Variants in SAMD4A observed in about 807,000 individuals in gnomAD.
SAMD4A encodes the protein protein Smaug homolog 1.
A neutral mutation model predicts 81.3 loss-of-function variants in SAMD4A; 33 were observed. The ratio of observed to expected loss-of-function variants is 0.41; its 90% CI spans 0.31 to 0.54. The LOEUF is 0.54. SAMD4A is among the 20% of genes least tolerant of loss of function. The probability of loss-of-function intolerance (pLI) is 0.37; values close to 1 mark genes in which losing one functional copy is unlikely to be tolerated. For missense variants in SAMD4A, 854 were observed against 951.1 expected (o/e 0.90, Z 1.34); for synonymous variants, 389 against 382.1 (o/e 1.02, Z -0.21).
At chr14:54,771,338 T>C (rs956525385) in intron 9 of SAMD4A, among the ~76,000 whole-genome samples, 1 of 152,232 alleles carries the variant, frequency 6.6e-6, no homozygotes, top group African/African-American at 2.4e-5. Flanking sequence ...GAGCTGCTGT[T>C]GTTAACCCCA....
At chr14:54,700,274 T>C (rs2036680466) in intron 2 of SAMD4A, among the ~76,000 whole-genome samples, 1 of 152,066 alleles carries the variant, frequency 6.6e-6, no homozygotes, top group Admixed American at 6.6e-5. Context: ...TCAGAGAAGG[T>C]ATTTGGGGCT....
Position 54,750,448 on chromosome 14 carries a change from A to G in SAMD4A, c.1090-1003A>G, listed in dbSNP as rs80045648. 8.4e-3 allele frequency among the ~76,000 whole-genome samples: 1,277 copies of G among 152,362 alleles called. 18 individuals are homozygous for G. The highest frequency in any genetic ancestry group is 0.029 in the African/African-American group (1,204 of 41,582). On this transcript the variant is annotated intron_variant, in intron 5 of 12. Coordinates refer to ENST00000554335, the MANE Select transcript of SAMD4A (RefSeq NM_015589.6). ...GACGGCTGTCTATCAGGAAATTTGC[A>G]GTATCTATTATCAACAACTATTTAA...
chr14:54,565,409 C>T (rs1001923399), upstream of SAMD4A, among the ~76,000 whole-genome samples: 1 of 152,246 alleles, frequency 6.6e-6, no homozygotes, highest in Non-Finnish European at 1.5e-5. This position sits in a 1 kb window ranked among gnomAD's most constrained non-coding sequence, Gnocchi z 5.4. Flanking sequence ...AGCCAGGCGC[C>T]GGGCCGGCCT....
At chr14:54,565,760 G>C (rs917763509), upstream of SAMD4A, among the ~76,000 whole-genome samples, 1 of 151,954 alleles carries the variant, frequency 6.6e-6, no homozygotes, top group Admixed American at 6.5e-5. This position sits in a 1 kb window ranked among gnomAD's most constrained non-coding sequence, Gnocchi z 5.4. Flanking sequence ...GGGCTCCAGT[G>C]GCTTGAGTGT....
At chr14:54,648,251 G>A (rs546085675) in intron 2 of SAMD4A, among the ~76,000 whole-genome samples, 2 of 152,310 alleles carry the variant, frequency 1.3e-5, no homozygotes, top group African/African-American at 4.8e-5. Flanking sequence ...GTTTCAGTGA[G>A]GAGATGACCA....
intron 2 of SAMD4A, among the ~76,000 whole-genome samples, chr14:54,588,398 A>G (rs2033682892): frequency 1.3e-5 from 2 of 149,872 alleles, no homozygotes; most frequent in Non-Finnish European, 3.0e-5. Context: ...TTCTGCTCTG[A>G]TATTTGTTAT....
At chr14:54,718,554 TTTG>T (rs377475572) in intron 3 of SAMD4A, among the ~76,000 whole-genome samples, 235 of 134,836 alleles carry the variant, frequency 1.7e-3, no homozygotes, top group Admixed American at 2.2e-3. Context: ...TTTTGGGTTT[TTTG>T]TTGTTGTTGT....
intron 2 of SAMD4A, among the ~76,000 whole-genome samples, chr14:54,577,365 G>A (rs1053500510): frequency 6.6e-6 from 1 of 152,262 alleles, no homozygotes; most frequent in African/African-American, 2.4e-5. Flanking sequence ...GCCACAGCAA[G>A]GGCTGCAGTG....
At chr14:54,574,849 A>G (rs2033241743) in intron 2 of SAMD4A, among the ~76,000 whole-genome samples, 1 of 152,182 alleles carries the variant, frequency 6.6e-6, no homozygotes, top group Non-Finnish European at 1.5e-5. Context: ...GGAATCTTGT[A>G]CTGAAAACCT....
intron 11 of SAMD4A, among the ~76,000 whole-genome samples, chr14:54,777,477 G>A (rs766167626): frequency 5.3e-5 from 8 of 152,324 alleles, no homozygotes; most frequent in Non-Finnish European, 7.4e-5. Flanking sequence ...AGCATGGCCC[G>A]GAAGCCGTGG....
intron 2 of SAMD4A, among the ~76,000 whole-genome samples, chr14:54,597,568 C>G (rs771173213): frequency 6.7e-6 from 1 of 148,192 alleles, no homozygotes; most frequent in African/African-American, 2.5e-5. Flanking sequence ...CCACCGCACC[C>G]GGCCTTTCCT....
chr14:54,635,922 A>G (rs2035024672), intron 2 of SAMD4A, among the ~76,000 whole-genome samples: 1 of 152,224 alleles, frequency 6.6e-6, no homozygotes, highest in Non-Finnish European at 1.5e-5. Context: ...ACACAGGTCT[A>G]GACACTTGGG....
chr14:54,590,655 G>C (rs1027835610), intron 2 of SAMD4A, among the ~76,000 whole-genome samples: 1 of 152,100 alleles, frequency 6.6e-6, no homozygotes, highest in Non-Finnish European at 1.5e-5. Context: ...TCTGTCAGCT[G>C]TGCTGAGTCC....
rs756970630 is a variant in SAMD4A, at chr14:54,760,311, C to T, written c.1327C>T (p.Pro443Ser). The T allele has an allele frequency of 6.2e-7, 1 of 1,608,616 alleles. No homozygotes were observed. Among genetic ancestry groups the T allele is most frequent in the South Asian group, 1.1e-5 (1 of 90,556 alleles). The change falls in exon 7 of 13, where the codon CCC becomes TCC. Residue 443 changes from proline to serine, a missense_variant. Coordinates refer to ENST00000554335, the MANE Select transcript of SAMD4A (RefSeq NM_015589.6). ...QAPRQPSLMGPESQSPDCKDG... is the reference protein window; with the variant it reads ...QAPRQPSLMGSESQSPDCKDG... ...CCCGCGTCAGCCCTCACTGATGGGCCCCGAGAGCCAGAGCCCCGACTGCAA... is the reference window on the plus strand; with the variant it reads ...CCCGCGTCAGCCCTCACTGATGGGCTCCGAGAGCCAGAGCCCCGACTGCAA...
intron 2 of SAMD4A, among the ~76,000 whole-genome samples, chr14:54,669,034 C>T (rs2035815499): frequency 6.6e-6 from 1 of 152,242 alleles, no homozygotes; most frequent in Admixed American, 6.5e-5. Context: ...GGTTAGGCTA[C>T]CATGCTTTAT....
chr14:54,729,331 T>A lies in SAMD4A; in HGVS notation c.716-7693T>A, dbSNP rs148409316. On this transcript the variant is annotated intron_variant, in intron 3 of 12. Coordinates refer to ENST00000554335, the MANE Select transcript of SAMD4A (RefSeq NM_015589.6). ...GCATGTGAGCTGATGAAACAGCACT[T>A]ACAATTTGAGAGTTATCTTTTAAGA... Among the ~76,000 whole-genome samples the A allele has an allele frequency of 2.0e-5, 3 of 152,308 alleles. No individual in the cohort carries two copies. The East Asian group carries it at 5.8e-4, about 29-fold the overall frequency.
intron 3 of SAMD4A, among the ~76,000 whole-genome samples, chr14:54,711,025 C>T (rs1328441326): frequency 6.6e-6 from 1 of 152,180 alleles, no homozygotes; most frequent in Non-Finnish European, 1.5e-5. Context: ...TCTAGGCAAC[C>T]ACTATAATTC....
chr14:54,567,764 C>G lies in SAMD4A; in HGVS notation c.-153C>G, dbSNP rs769416353. The G allele has an allele frequency of 2.9e-6, 2 of 683,738 alleles. No individual in the cohort carries two copies. Among genetic ancestry groups the G allele is most frequent in the Non-Finnish European group, 4.7e-6 (2 of 426,206 alleles). 42.4% of individuals were successfully genotyped at this position (683,738 alleles called of 1,614,324 possible). A position where few individuals can be genotyped will look rare whatever the true frequency, so the allele number is the denominator to read the frequency against. On this transcript the variant is annotated 5_prime_UTR_variant, in exon 2 of 13. Transcript: ENST00000554335. Reference sequence around the variant, plus strand: ...TGAAACCAGACAAGAGAGGCAGGAGCCCAGGCAGTACCTGCAGCGTCCGGG... The same window carrying G: ...TGAAACCAGACAAGAGAGGCAGGAGGCCAGGCAGTACCTGCAGCGTCCGGG...
At position 54,577,450 on chromosome 14, in the gene SAMD4A, T is replaced by A. The variant is rs1016401735; in HGVS notation, c.196+9338T>A. On this transcript the variant is annotated intron_variant, in intron 2 of 12. Transcript: ENST00000554335. ...GATAGCTCATGGCTTGATGACAGAA[T>A]CATGATCAAAATATTTGAATGTAAC... 3.3e-5 allele frequency among the ~76,000 whole-genome samples: 5 copies of A among 152,198 alleles called. No individual in the cohort carries two copies. In the East Asian group the frequency reaches 9.6e-4, roughly 29 times the overall value.
Sources: gnomAD v4.1 joint callset for allele counts (sites outside exome capture counted in the v4.1 genomes callset) on GRCh38, gnomAD v4.1.1 for gene constraint, Gnocchi (gnomAD v3.1) non-coding constraint, MANE v1.5 for transcripts, NCBI Gene and HGNC (gene_info 2026-07-23, HGNC 2026-07-21) for gene names.